The following CDIN1 variants were observed in gnomAD, a reference collection of about 807,000 sequenced individuals.
CDIN1 encodes CDAN1-interacting nuclease 1.
Under a neutral mutation model 45.3 loss-of-function variants are expected in CDIN1, and 33 were observed. The ratio of observed to expected loss-of-function variants is 0.73; its 90% CI spans 0.55 to 0.97. CDIN1 has a LOEUF of 0.97. CDIN1 is among the 50% of genes least tolerant of loss of function. The pLI, the probability that CDIN1 is intolerant of heterozygous loss-of-function variation, is 0.00. For synonymous variants in CDIN1, 118 were observed against 124.4 expected (o/e 0.95, Z 0.34); for missense variants, 303 against 339.4 (o/e 0.89, Z 0.84).
intron 10 of CDIN1, among the ~76,000 whole-genome samples, chr15:36,778,258 C>T (rs1033088152): frequency 6.6e-6 from 1 of 152,094 alleles, no homozygotes; most frequent in Non-Finnish European, 1.5e-5. Flanking sequence ...GGAGGACACA[C>T]GTCAGGAAAG....
intron 10 of CDIN1, among the ~76,000 whole-genome samples, chr15:36,758,639 C>T (rs997887444): frequency 6.6e-6 from 1 of 152,132 alleles, no homozygotes; most frequent in African/African-American, 2.4e-5. Context: ...AGAAATATAT[C>T]ACCTTTGCAC....
At chr15:36,717,524 T>C (rs1379722061) in intron 10 of CDIN1, among the ~76,000 whole-genome samples, 2 of 152,180 alleles carry the variant, frequency 1.3e-5, no homozygotes, top group Non-Finnish European at 2.9e-5. Context: ...CTGAGAGGCA[T>C]TAAGTAGCAT....
chr15:36,807,655 C>T (rs1026125080), intron 10 of CDIN1, among the ~76,000 whole-genome samples: 3 of 152,224 alleles, frequency 2.0e-5, no homozygotes, highest in African/African-American at 2.4e-5. Flanking sequence ...AAGCCCGTAG[C>T]GATCTATACT....
rs186537310 is a variant in CDIN1 at position 36,704,046 on chromosome 15, T to A, written c.545-5177T>A. Among the ~76,000 whole-genome samples, 65 of 152,308 alleles carry A rather than the reference T, an allele frequency of 4.3e-4. No individual in the cohort carries two copies. The Middle Eastern group carries it at 0.01, about 24-fold the overall frequency. On this transcript the variant is annotated intron_variant, in intron 8 of 10. Transcript: ENST00000566621. ...TCTACTATGTTGATTTGTCCCTTCA[T>A]CTACAACGAAAAGGATTTAGCATGA...
intron 8 of CDIN1, among the ~76,000 whole-genome samples, chr15:36,698,182 G>T (rs2042505628): frequency 6.6e-6 from 1 of 151,988 alleles, no homozygotes; most frequent in African/African-American, 2.4e-5. Context: ...TTCCAAAATG[G>T]GCAAAGAATT....
At position 36,810,077 on chromosome 15, in the gene CDIN1, A is replaced by G. The variant is rs1416708134; in HGVS notation, c.*1624A>G. 1 of 152,100 alleles carries G rather than the reference A, an allele frequency of 6.6e-6. No homozygotes were observed. 9.4% of individuals were successfully genotyped at this position (152,100 alleles called of 1,614,324 possible). A position where few individuals can be genotyped will look rare whatever the true frequency, so the allele number is the denominator to read the frequency against. The stretch of plus-strand genomic sequence containing the variant: ...CACACACACTTTATACAAAAATGTT[A>G]AAAGCAGGTTTCCTGGCATGTTCTA... On this transcript the variant is annotated 3_prime_UTR_variant, in exon 11 of 11. Transcript: ENST00000566621.
chr15:36,757,216 G>A (rs959763881), intron 10 of CDIN1, among the ~76,000 whole-genome samples: 2 of 152,138 alleles, frequency 1.3e-5, no homozygotes, highest in East Asian at 1.9e-4. Context: ...GTTTTACGTC[G>A]TGGGAATAAC....
At chr15:36,695,215 T>A (rs1268538147) in intron 7 of CDIN1, among the ~76,000 whole-genome samples, 1 of 152,196 alleles carries the variant, frequency 6.6e-6, no homozygotes, top group African/African-American at 2.4e-5. Flanking sequence ...AATTTTTTTT[T>A]TAATAAATAA....
intron 1 of CDIN1, among the ~76,000 whole-genome samples, chr15:36,621,732 A>C (rs1595378987): frequency 6.6e-6 from 1 of 152,344 alleles, no homozygotes; most frequent in East Asian, 1.9e-4. Flanking sequence ...TAAAAACAAA[A>C]AAAAATTTAT....
intron 1 of CDIN1, among the ~76,000 whole-genome samples, chr15:36,589,902 A>G (rs2140182339): frequency 6.6e-6 from 1 of 152,328 alleles, no homozygotes; most frequent in South Asian, 2.1e-4. Flanking sequence ...TCTGTGACCC[A>G]CGTATGAAAG....
At chr15:36,727,073 A>G (rs1185427571) in intron 10 of CDIN1, among the ~76,000 whole-genome samples, 1 of 152,064 alleles carries the variant, frequency 6.6e-6, no homozygotes, top group Non-Finnish European at 1.5e-5. Flanking sequence ...TGAGAAAAAA[A>G]TATATTCTAT....
At chr15:36,639,074 G>A (rs1026959034) in intron 1 of CDIN1, among the ~76,000 whole-genome samples, 5 of 152,164 alleles carry the variant, frequency 3.3e-5, no homozygotes, top group South Asian at 2.1e-4. Context: ...TACCTCAGAA[G>A]ATTGTTGTGG....
intron 10 of CDIN1, among the ~76,000 whole-genome samples, chr15:36,712,418 A>G (rs1429845133): frequency 2.0e-5 from 3 of 151,838 alleles, no homozygotes. Flanking sequence ...GGTGCCTCAC[A>G]CCACTCCCGG....
At chr15:36,755,863 C>G in intron 10 of CDIN1, 1 of 247,784 alleles carries the variant, frequency 4.0e-6, no homozygotes, top group East Asian at 1.1e-4. Context: ...ATCACAAGAG[C>G]GAACTTAAGG....
At chr15:36,622,960 A>G (rs1168118740) in intron 1 of CDIN1, among the ~76,000 whole-genome samples, 2 of 152,254 alleles carry the variant, frequency 1.3e-5, no homozygotes, top group Admixed American at 1.3e-4. Flanking sequence ...ATATTGAGAC[A>G]CACAAATGTA....
At chr15:36,692,207 A>C in intron 7 of CDIN1, 32 bp downstream of exon 7, 1 of 1,603,800 alleles carries the variant, frequency 6.2e-7, no homozygotes, top group Non-Finnish European at 8.5e-7. Flanking sequence ...TAGGTGCGCA[A>C]TTGACGAGCT....
intron 10 of CDIN1, among the ~76,000 whole-genome samples, chr15:36,792,139 C>G (rs1396450509): frequency 1.3e-5 from 2 of 152,170 alleles, no homozygotes; most frequent in Non-Finnish European, 2.9e-5. Flanking sequence ...AAATAACCTT[C>G]TAACTCCTCT....
chr15:36,617,527 G>A lies in CDIN1; in HGVS notation c.102-26751G>A, dbSNP rs548812941. On this transcript the variant is annotated intron_variant, in intron 1 of 10. Coordinates refer to ENST00000566621, the MANE Select transcript of CDIN1 (RefSeq NM_001321759.2). ...GAATCTTTACTTGATCTCTCAAATG[G>A]ATAGTGATCAGTTCATCCCAATTTG... is the stretch of plus-strand genomic sequence containing the variant. The A allele has an allele frequency of 2.3e-5, 19 of 828,650 alleles. No individual in the cohort carries two copies. In the South Asian group the frequency reaches 2.5e-4, roughly 11 times the overall value. 51.3% of individuals were successfully genotyped at this position (828,650 alleles called of 1,614,324 possible).
At chr15:36,616,010 A>T (rs1036603707) in intron 1 of CDIN1, among the ~76,000 whole-genome samples, 6 of 152,250 alleles carry the variant, frequency 3.9e-5, no homozygotes, top group African/African-American at 1.4e-4. Context: ...GGGAGAATAT[A>T]GCAAGAGCAT....
Sources: gnomAD v4.1 joint callset for allele counts (sites outside exome capture counted in the v4.1 genomes callset) on GRCh38, gnomAD v4.1.1 for gene constraint, MANE v1.5 for transcripts, NCBI Gene and HGNC (gene_info 2026-07-23, HGNC 2026-07-21) for gene names.